PRDM10: variants seen among roughly 807,000 people sequenced by gnomAD.
PRDM10 encodes PR domain zinc finger protein 10.
A neutral mutation model predicts 133.1 loss-of-function variants in PRDM10; 65 were observed. The observed-to-expected ratio is 0.49, with a 90% CI of 0.40 to 0.60. The LOEUF (loss-of-function observed/expected upper bound fraction) is 0.60, where lower values mean the gene tolerates loss of function less well. PRDM10 is among the 20% of genes least tolerant of loss of function. PRDM10 has a pLI of 0.00. For synonymous variants in PRDM10, 582 were observed against 580.4 expected (o/e 1.00, Z -0.04); for missense variants, 1,137 against 1,507.1 (o/e 0.75, Z 4.07).
At position 129,923,742 on chromosome 11, in the gene PRDM10, A is replaced by G. The variant is rs1297815974; in HGVS notation, c.1879-339T>C. Among the ~76,000 whole-genome samples the G allele has an allele frequency of 6.7e-6, 1 of 150,364 alleles. No individual in the cohort carries two copies. Among genetic ancestry groups the G allele is most frequent in the African/African-American group, 2.5e-5 (1 of 40,664 alleles). Reference sequence around the variant, plus strand: ...ATCACTTGAAGCCCATTTTTTAAAGATAAAAAGCAAAAGTTCCTTTGGGTT... The same window carrying G: ...ATCACTTGAAGCCCATTTTTTAAAGGTAAAAAGCAAAAGTTCCTTTGGGTT... On this transcript the variant is annotated intron_variant, in intron 12 of 20. Transcript: ENST00000360871. The surrounding 1 kb of genome is among the most constrained non-coding windows in gnomAD (Gnocchi z 4.4).
chr11:129,956,197 C>T (rs1224796966), intron 3 of PRDM10, among the ~76,000 whole-genome samples: 2 of 152,148 alleles, frequency 1.3e-5, no homozygotes, highest in Non-Finnish European at 2.9e-5. Flanking sequence ...GAAAATTCTT[C>T]GAAACTACTG....
rs1482587219 is a variant in PRDM10 at position 129,969,310 on chromosome 11, G to T, written c.-118-8228C>A. On this transcript the variant is annotated intron_variant, in intron 1 of 20. Transcript: ENST00000360871. ...GAAATGATACTTGGGCTTGGTTTAA[G>T]TGAGTTACCATAAATACTACAGGCC... 2.0e-5 allele frequency among the ~76,000 whole-genome samples: 3 copies of T among 152,132 alleles called. 1 individual carries two copies. The highest frequency in any genetic ancestry group is 4.4e-5 in the Non-Finnish European group (3 of 68,022).
At position 129,935,246 on chromosome 11, in the gene PRDM10, G is replaced by A. The variant is rs747802434; in HGVS notation, c.1040-28C>T. On this transcript the variant is annotated intron_variant, in intron 8 of 20. Coordinates refer to ENST00000360871, the MANE Select transcript of PRDM10 (RefSeq NM_199437.2). ...ACAGTCACAGGAGAGAAATCATAAAGGCTGATGACCAATAGACACCAGTAA... is the reference window on the plus strand; with the variant it reads ...ACAGTCACAGGAGAGAAATCATAAAAGCTGATGACCAATAGACACCAGTAA... 3 of 1,558,360 alleles carry A rather than the reference G, an allele frequency of 1.9e-6. No individual in the cohort carries two copies. The African/African-American group carries it at 4.1e-5, about 21-fold the overall frequency.
At chr11:129,999,047 T>G (rs559079418) in intron 1 of PRDM10, among the ~76,000 whole-genome samples, 3 of 152,132 alleles carry the variant, frequency 2.0e-5, no homozygotes, top group Non-Finnish European at 4.4e-5. Context: ...GTTCTCGAAC[T>G]CCTGGACTCA....
chr11:129,985,540 C>T (rs1309558348), intron 1 of PRDM10, among the ~76,000 whole-genome samples: 1 of 151,684 alleles, frequency 6.6e-6, no homozygotes, highest in Non-Finnish European at 1.5e-5. Flanking sequence ...GCCTGTAACC[C>T]CAGCACTTTG....
intron 9 of PRDM10, 128 bp downstream of exon 9, chr11:129,934,973 C>G (rs1591626444): frequency 1.4e-6 from 1 of 692,752 alleles, no homozygotes; most frequent in Non-Finnish European, 2.5e-6. Context: ...AACACCGTTC[C>G]CTCAGTAGCC....
intron 8 of PRDM10, among the ~76,000 whole-genome samples, chr11:129,936,493 A>G (rs1951034236): frequency 1.3e-5 from 2 of 151,956 alleles, no homozygotes; most frequent in Non-Finnish European, 2.9e-5. Flanking sequence ...CTCTACCAAA[A>G]ATACAAAAAA....
At chr11:129,995,196 T>C (rs1938979984) in intron 1 of PRDM10, among the ~76,000 whole-genome samples, 1 of 152,208 alleles carries the variant, frequency 6.6e-6, no homozygotes, top group Non-Finnish European at 1.5e-5. Flanking sequence ...TAATTTTCAA[T>C]TCATCAACTT....
chr11:129,914,471 G>A, intron 17 of PRDM10: 5 of 614,988 alleles, frequency 8.1e-6, no homozygotes, highest in Non-Finnish European at 1.2e-5. Context: ...AGCACAGGAG[G>A]CTTGTATATG....
rs552555302 is a variant in PRDM10, at chr11:129,912,928, C to T, written c.2842-703G>A. Among the ~76,000 whole-genome samples the T allele has an allele frequency of 1.1e-4, 16 of 151,654 alleles. No homozygotes were observed. In the South Asian group the frequency reaches 1.2e-3, roughly 12 times the overall value. The stretch of plus-strand genomic sequence containing the variant: ...TACAAAAATTAGCTGGGTGTGGTGG[C>T]GAGCACCTGTAATCCCAGCTACTCA... On this transcript the variant is annotated intron_variant, in intron 17 of 20. Coordinates refer to ENST00000360871, the MANE Select transcript of PRDM10 (RefSeq NM_199437.2).
chr11:130,001,830 G>T (rs1400226157), intron 1 of PRDM10, among the ~76,000 whole-genome samples: 1 of 152,032 alleles, frequency 6.6e-6, no homozygotes, highest in Non-Finnish European at 1.5e-5. Flanking sequence ...CCTCTGCGCT[G>T]CACCCTGGGT....
At chr11:129,998,391 G>GA (rs1565519988) in intron 1 of PRDM10, among the ~76,000 whole-genome samples, 1 of 152,020 alleles carries the variant, frequency 6.6e-6, no homozygotes, top group African/African-American at 2.4e-5. Flanking sequence ...AAAAAGGGGG[G>GA]GAGGAGGAGG....
In PRDM10 at chr11:129,900,068, T is replaced by C. The variant is rs1949803384; in HGVS notation, c.*2245A>G. 6.6e-6 allele frequency: 1 copy of C among 152,616 alleles called. No homozygotes were observed. The highest frequency in any genetic ancestry group is 1.5e-5 in the Non-Finnish European group (1 of 68,034). The allele number at this position is 152,616 out of a possible 1,614,324, so 9.5% of individuals were successfully genotyped here. ...AATCTACATCCAACCTACTCCAAAA[T>C]ACTCACACTGGACTGAATGAAGTCT... is the stretch of plus-strand genomic sequence containing the variant. On this transcript the variant is annotated 3_prime_UTR_variant, in exon 21 of 21. Transcript: ENST00000360871.
rs371966665 is a variant in PRDM10 at position 129,910,652 on chromosome 11, G to C, written c.2987C>G (p.Ser996Cys). Residue 996 changes from serine to cysteine, a missense_variant, in exon 19 of 21, where the codon TCT (serine) becomes TGT (cysteine). This residue lies in a region of PRDM10 where 243 missense variants were observed against 259.2 expected (regional missense o/e 0.94). Transcript: ENST00000360871. ...TASAPSSAQVSGQPLSPSAQQ... is the reference protein window; with the variant it reads ...TASAPSSAQVCGQPLSPSAQQ... ...GGCTGAGGGACTCAACGGCTGCCCA[G>C]ATACCTGGGGAGAAAGAGAAAGCAA... 6.4e-7 allele frequency: 1 copy of C among 1,559,430 alleles called. No homozygotes were observed. Among genetic ancestry groups the C allele is most frequent in the Non-Finnish European group, 8.7e-7 (1 of 1,153,146 alleles).
In PRDM10 at chr11:129,954,286, G is replaced by A. The variant is rs1273335028; in HGVS notation, c.294+1226C>T. ...TATTTATTTTTTTTTTTTTTGAGAT[G>A]GAGTCTTGCTCTATCACCCAGGCTG... On this transcript the variant is annotated intron_variant, in intron 4 of 20. Transcript: ENST00000360871. 2.1e-5 allele frequency among the ~76,000 whole-genome samples: 3 copies of A among 142,842 alleles called. No homozygotes were observed. The Admixed American group carries it at 2.1e-4, about 10-fold the overall frequency. 93.7% of individuals were successfully genotyped at this position (142,842 alleles called of 152,430 possible).
chr11:129,977,134 G>C (rs1937803512), intron 1 of PRDM10, among the ~76,000 whole-genome samples: 1 of 151,880 alleles, frequency 6.6e-6, no homozygotes, highest in Non-Finnish European at 1.5e-5. Flanking sequence ...CACTGTCCAG[G>C]GTCTGGCCAG....
At position 129,960,898 on chromosome 11, in the gene PRDM10, G is replaced by A; in HGVS notation, c.67C>T (p.Gln23Ter). Residue 23 changes from glutamine (Q) to a stop codon, truncating the protein, a stop_gained and splice_region_variant, in exon 2 of 21, where the codon CAG becomes TAG. Coordinates refer to ENST00000360871, the MANE Select transcript of PRDM10 (RefSeq NM_199437.2). LOFTEE classifies it high-confidence loss of function. ...TSAEHEQNAA[Q>*]VHFVPDTGTV... Reference sequence around the variant, plus strand: ...AGCTGGAAAAGACCAGTCTTCACCTGTGCGGCATTCTGTTCATGCTCTGCA... The same window carrying A: ...AGCTGGAAAAGACCAGTCTTCACCTATGCGGCATTCTGTTCATGCTCTGCA... The A allele has an allele frequency of 6.2e-7, 1 of 1,614,092 alleles. No homozygotes were observed. Among genetic ancestry groups the A allele is most frequent in the Non-Finnish European group, 8.5e-7 (1 of 1,180,018 alleles).
chr11:129,926,758 T>G (rs1950690792), intron 11 of PRDM10, among the ~76,000 whole-genome samples: 1 of 152,234 alleles, frequency 6.6e-6, no homozygotes, highest in African/African-American at 2.4e-5. Flanking sequence ...TGTATCATAC[T>G]TTATTCTCCT....
chr11:129,947,124 G>A lies in PRDM10; in HGVS notation c.520+21C>T, dbSNP rs750187251. On this transcript the variant is annotated intron_variant, in intron 5 of 20. Coordinates refer to ENST00000360871, the MANE Select transcript of PRDM10 (RefSeq NM_199437.2). This position sits in a 1 kb window ranked among gnomAD's most constrained non-coding sequence, Gnocchi z 4.6. The stretch of plus-strand genomic sequence containing the variant: ...CAAGATGGACACAGCTTCCCTGGGG[G>A]AGACCCGTGCCCACACTTACACAAG... 133 of 1,612,042 alleles carry A rather than the reference G, an allele frequency of 8.3e-5. No homozygotes were observed. The highest frequency in any genetic ancestry group is 3.3e-4 in the Middle Eastern group (2 of 6,042).
Sources: gnomAD v4.1 joint callset for allele counts (sites outside exome capture counted in the v4.1 genomes callset) on GRCh38, gnomAD v4.1.1 for gene constraint, gnomAD v4.1.1 regional missense constraint, Gnocchi (gnomAD v3.1) non-coding constraint, MANE v1.5 for transcripts, NCBI Gene and HGNC (gene_info 2026-07-23, HGNC 2026-07-21) for gene names.